XCR1: variants seen among roughly 807,000 people sequenced by gnomAD.
XCR1 encodes the protein chemokine XC receptor 1.
For synonymous variants in XCR1, 187 were observed against 188.5 expected (o/e 0.99, Z 0.06); for missense variants, 356 against 424.2 (o/e 0.84, Z 1.41).
intron 5 of XCR1, among the ~76,000 whole-genome samples, chr3:46,051,664 C>T (rs971107186): frequency 1.1e-4 from 17 of 152,196 alleles, no homozygotes; most frequent in Non-Finnish European, 7.3e-5. Flanking sequence ...GTGTAATTTG[C>T]AGGGAATAAG....
intron 4 of XCR1, among the ~76,000 whole-genome samples, chr3:46,066,579 T>G (rs1330828706): frequency 6.6e-6 from 1 of 152,158 alleles, no homozygotes; most frequent in East Asian, 1.9e-4. Context: ...TGGTGTGGAC[T>G]ACACTAGGTG....
At chr3:46,073,265 T>C (rs1189299817) in intron 3 of XCR1, among the ~76,000 whole-genome samples, 1 of 152,092 alleles carries the variant, frequency 6.6e-6, no homozygotes, top group African/African-American at 2.4e-5. Context: ...AATAGACAAG[T>C]GGGACTTAGT....
Position 46,021,462 on chromosome 3 carries a change from G to A in XCR1, c.486C>T (p.Ile162=). Residue 162 remains isoleucine, a synonymous_variant, in exon 2 of 2, where the codon ATC becomes ATT. Transcript: ENST00000309285. This position sits in a 1 kb window ranked among gnomAD's most constrained non-coding sequence, Gnocchi z 4.7. ...AVWVASILSS[I]LDTIFHKVLS... The stretch of plus-strand genomic sequence containing the variant: ...GCACCTTGTGGAAGATGGTGTCGAG[G>A]ATGGAGGACAGGATGCTGGCTACCC... The A allele has an allele frequency of 6.2e-7, 1 of 1,614,046 alleles. No homozygotes were observed. The highest frequency in any genetic ancestry group is 8.5e-7 in the Non-Finnish European group (1 of 1,179,980).
chr3:46,068,141 T>A (rs995088840), intron 3 of XCR1, among the ~76,000 whole-genome samples: 2 of 152,196 alleles, frequency 1.3e-5, no homozygotes, highest in African/African-American at 4.8e-5. Context: ...CTAGGGCTGA[T>A]GCAGCAAATT....
Position 46,058,691 on chromosome 3 carries a change from A to G in XCR1, c.-182-4621T>C, listed in dbSNP as rs1320456501. Among the ~76,000 whole-genome samples, 3 of 152,080 alleles carry G rather than the reference A, an allele frequency of 2.0e-5. No individual in the cohort carries two copies. The East Asian group carries it at 5.8e-4, about 29-fold the overall frequency. ...GCCTCCTGAGTAGTTGTAGTCCTGA[A>G]TAGCTGGGACTATAGACGGGTGCCA... On this transcript the variant is annotated intron_variant, in intron 4 of 5. Transcript: ENST00000683768.
chr3:46,034,235 G>A (rs577626366), intron 5 of XCR1, among the ~76,000 whole-genome samples: 4 of 152,184 alleles, frequency 2.6e-5, no homozygotes, highest in Admixed American at 2.0e-4. Flanking sequence ...GCCTCCCAAA[G>A]TGCTGGGATT....
intron 1 of XCR1, among the ~76,000 whole-genome samples, chr3:46,085,356 C>G (rs1345938620): frequency 6.6e-6 from 1 of 152,212 alleles, no homozygotes; most frequent in Non-Finnish European, 1.5e-5. Flanking sequence ...AGTCATGCAG[C>G]CAGGGAGCAT....
intron 3 of XCR1, among the ~76,000 whole-genome samples, chr3:46,069,292 T>C (rs973923195): frequency 2.0e-5 from 3 of 151,246 alleles, no homozygotes; most frequent in African/African-American, 7.3e-5. Flanking sequence ...AAAAAAGAAA[T>C]GACACAAAAA....
chr3:46,027,679 C>G (rs1708323847), upstream of XCR1: 1 of 152,102 alleles, frequency 6.6e-6, no homozygotes, highest in Non-Finnish European at 1.5e-5. Context: ...AGCTGCAAGC[C>G]CTGGATAAAG....
intron 1 of XCR1, chr3:46,023,466 G>A: frequency 1.3e-6 from 2 of 1,555,224 alleles, no homozygotes; most frequent in Non-Finnish European, 1.8e-6. Flanking sequence ...GTCTTTCACT[G>A]GAATTGCAAA....
chr3:46,060,324 C>G (rs2133665), intron 4 of XCR1, among the ~76,000 whole-genome samples: 107,366 of 152,074 alleles, frequency 0.71, 38,748 homozygotes, highest in East Asian at 0.94. Flanking sequence ...TTCCTGAACT[C>G]GGTTGTAGTT....
chr3:46,037,610 T>C (rs998412359), intron 5 of XCR1, among the ~76,000 whole-genome samples: 2 of 152,196 alleles, frequency 1.3e-5, no homozygotes, highest in African/African-American at 4.8e-5. Context: ...TCTATCTTTA[T>C]GCACACACAG....
At chr3:46,031,211 C>T (rs757470580), upstream of XCR1, among the ~76,000 whole-genome samples, 18 of 152,218 alleles carry the variant, frequency 1.2e-4, no homozygotes, top group East Asian at 2.3e-3. Flanking sequence ...GCAGGAGCCC[C>T]GCCCTCCAAG....
At chr3:46,067,513 A>G (rs112376309) in intron 3 of XCR1, among the ~76,000 whole-genome samples, 1 of 152,152 alleles carries the variant, frequency 6.6e-6, no homozygotes, top group Non-Finnish European at 1.5e-5. Context: ...TGGCCAGCTC[A>G]TGTCACCCAT....
chr3:46,071,938 A>G (rs1009979102), intron 3 of XCR1, among the ~76,000 whole-genome samples: 4 of 152,240 alleles, frequency 2.6e-5, no homozygotes, highest in South Asian at 4.1e-4. Context: ...CCTATTTAAC[A>G]TAATACTGGA....
At chr3:46,085,762 C>T (rs1698464013) in intron 1 of XCR1, among the ~76,000 whole-genome samples, 1 of 152,228 alleles carries the variant, frequency 6.6e-6, no homozygotes, top group South Asian at 2.1e-4. Context: ...TACAGATCTA[C>T]AGTGGTCAAC....
intron 5 of XCR1, among the ~76,000 whole-genome samples, chr3:46,048,228 A>G (rs2125898868): frequency 6.6e-6 from 1 of 152,260 alleles, no homozygotes; most frequent in East Asian, 1.9e-4. Flanking sequence ...TGATTGTGAT[A>G]AATCTCAGGA....
intron 1 of XCR1, chr3:46,023,306 T>C (rs182639761): frequency 6.7e-6 from 6 of 898,954 alleles, no homozygotes; most frequent in Non-Finnish European, 1.1e-5. Context: ...ATGGAAGTAA[T>C]GGAAGGACCC....
At chr3:46,071,833 G>A (rs940744305) in intron 3 of XCR1, among the ~76,000 whole-genome samples, 12 of 152,070 alleles carry the variant, frequency 7.9e-5, no homozygotes, top group Admixed American at 1.3e-4. Flanking sequence ...CCCCATATAT[G>A]ACAAACCCAT....
Sources: gnomAD v4.1 joint callset for allele counts (sites outside exome capture counted in the v4.1 genomes callset) on GRCh38, gnomAD v4.1.1 for gene constraint, Gnocchi (gnomAD v3.1) non-coding constraint, MANE v1.5 for transcripts, NCBI Gene and HGNC (gene_info 2026-07-23, HGNC 2026-07-21) for gene names.